SPAG16: variants seen among roughly 807,000 people sequenced by gnomAD.
SPAG16 encodes sperm-associated antigen 16 protein.
In SPAG16, 86 loss-of-function variants were observed where a neutral mutation model predicts 80.4. That is an observed-to-expected ratio of 1.07 (90% confidence interval 0.90 to 1.28). The LOEUF (loss-of-function observed/expected upper bound fraction) is 1.28, where lower values mean the gene tolerates loss of function less well. SPAG16 is among the 50% of genes most tolerant of loss of function. The pLI, the probability that SPAG16 is intolerant of heterozygous loss-of-function variation, is 0.00. For synonymous variants in SPAG16, 294 were observed against 265.9 expected (o/e 1.11, Z -1.03); for missense variants, 870 against 765.3 (o/e 1.14, Z -1.61).
rs945267683 is a variant in SPAG16, at chr2:213,765,594, C to T, written c.1071-96891C>T. ...TTACATTTATTCATTCACAATGTCA[C>T]GTGTGTGTGTGTGTGTGTGTTATTT... On this transcript the variant is annotated intron_variant, in intron 10 of 15. Coordinates refer to ENST00000331683, the MANE Select transcript of SPAG16 (RefSeq NM_024532.5). 5.3e-5 allele frequency among the ~76,000 whole-genome samples: 8 copies of T among 150,286 alleles called. No individual in the cohort carries two copies. The East Asian group carries it at 7.9e-4, about 15-fold the overall frequency.
Position 213,535,061 on chromosome 2 carries a change from T to G in SPAG16, c.1070+44971T>G, listed in dbSNP as rs2076197229. 3.3e-5 allele frequency among the ~76,000 whole-genome samples: 5 copies of G among 152,174 alleles called. No homozygotes were observed. The South Asian group carries it at 1.0e-3, about 32-fold the overall frequency. On this transcript the variant is annotated intron_variant, in intron 10 of 15. Coordinates refer to ENST00000331683, the MANE Select transcript of SPAG16 (RefSeq NM_024532.5). ...CTAACATTTGATCTTGAATTTCTAC[T>G]TTCCAGATTGTGAGAAAATAAATTT...
At chr2:214,166,037 G>T (rs942216425) in intron 15 of SPAG16, among the ~76,000 whole-genome samples, 1 of 152,062 alleles carries the variant, frequency 6.6e-6, no homozygotes, top group Non-Finnish European at 1.5e-5. Flanking sequence ...CATAAGTCTT[G>T]TTCAAATATA....
chr2:213,598,389 G>T lies in SPAG16; in HGVS notation c.1070+108299G>T, dbSNP rs144363667. Among the ~76,000 whole-genome samples the T allele has an allele frequency of 1.6e-3, 237 of 152,152 alleles. 3 individuals carry two copies. Among genetic ancestry groups the T allele is most frequent in the African/African-American group, 4.6e-3 (193 of 41,522 alleles). On this transcript the variant is annotated intron_variant, in intron 10 of 15. Coordinates refer to ENST00000331683, the MANE Select transcript of SPAG16 (RefSeq NM_024532.5). Reference sequence around the variant, plus strand: ...GAGTAGTTTTAAGATGCCTTTTGAGGTATCAAATTAATATTTATTATTAAT... The same window carrying T: ...GAGTAGTTTTAAGATGCCTTTTGAGTTATCAAATTAATATTTATTATTAAT...
intron 13 of SPAG16, among the ~76,000 whole-genome samples, chr2:214,021,360 T>C (rs1417131771): frequency 6.6e-6 from 1 of 152,198 alleles, no homozygotes; most frequent in Admixed American, 6.6e-5. Flanking sequence ...ACTCACAGTT[T>C]CAGGTGGCTG....
At chr2:213,442,823 A>G (rs2071056666) in intron 9 of SPAG16, among the ~76,000 whole-genome samples, 1 of 152,200 alleles carries the variant, frequency 6.6e-6, no homozygotes, top group Non-Finnish European at 1.5e-5. Context: ...AGAATATAAC[A>G]GAAAATCTAG....
Position 214,149,283 on chromosome 2 carries a change from C to A in SPAG16, c.1720+17C>A. The stretch of plus-strand genomic sequence containing the variant: ...ATTCATCAGGTAGGATCATTTTTGT[C>A]TAATGTTTCTGACTAAGCCAATAAC... On this transcript the variant is annotated intron_variant, in intron 15 of 15. Transcript: ENST00000331683. 1 of 1,532,342 alleles carries A rather than the reference C, an allele frequency of 6.5e-7. No homozygotes were observed. Among genetic ancestry groups the A allele is most frequent in the South Asian group, 1.2e-5 (1 of 81,044 alleles). 94.9% of individuals were successfully genotyped at this position (1,532,342 alleles called of 1,614,324 possible).
chr2:213,997,527 A>G (rs1395060186), intron 12 of SPAG16, among the ~76,000 whole-genome samples: 1 of 152,216 alleles, frequency 6.6e-6, no homozygotes, highest in East Asian at 1.9e-4. Flanking sequence ...TACTTGATCT[A>G]CTGTGGCAAA....
At chr2:214,300,211 T>G (rs1210200589) in intron 15 of SPAG16, among the ~76,000 whole-genome samples, 2 of 152,156 alleles carry the variant, frequency 1.3e-5, no homozygotes, top group Non-Finnish European at 1.5e-5. Flanking sequence ...AAATTTTGCT[T>G]ACAAATAAAC....
chr2:213,702,359 T>C (rs1424945762), intron 10 of SPAG16, among the ~76,000 whole-genome samples: 1 of 152,214 alleles, frequency 6.6e-6, no homozygotes, highest in East Asian at 1.9e-4. Context: ...TTCTTTCACT[T>C]TTTGCAATAA....
intron 7 of SPAG16, among the ~76,000 whole-genome samples, chr2:213,358,042 C>A (rs904349433): frequency 3.3e-5 from 5 of 152,146 alleles, no homozygotes; most frequent in Admixed American, 1.3e-4. Context: ...ATATGAAATT[C>A]TGGGTTGAAA....
At position 213,342,158 on chromosome 2, in the gene SPAG16, C is replaced by T. The variant is rs75850618; in HGVS notation, c.644+1888C>T. On this transcript the variant is annotated intron_variant, in intron 6 of 15. Transcript: ENST00000331683. ...ATTTTCTTTAAAATTCTTCAACCAT[C>T]CACAGATTACAGTATATATAGTTTT... Among the ~76,000 whole-genome samples the T allele has an allele frequency of 2.6e-5, 4 of 151,502 alleles. No homozygotes were observed. The South Asian group carries it at 8.3e-4, about 31-fold the overall frequency.
intron 14 of SPAG16, among the ~76,000 whole-genome samples, chr2:214,120,296 A>T (rs1559816526): frequency 6.6e-6 from 1 of 151,706 alleles, no homozygotes; most frequent in Non-Finnish European, 1.5e-5. Context: ...AATCCTGTTT[A>T]ATTTTATTCT....
At chr2:213,653,126 A>C (rs2063086146) in intron 10 of SPAG16, among the ~76,000 whole-genome samples, 1 of 152,096 alleles carries the variant, frequency 6.6e-6, no homozygotes, top group South Asian at 2.1e-4. Context: ...CTTTTTTTAC[A>C]GCTCCGGGAT....
intron 15 of SPAG16, among the ~76,000 whole-genome samples, chr2:214,248,781 A>G (rs1690040294): frequency 6.6e-6 from 1 of 152,198 alleles, no homozygotes. Flanking sequence ...TTAATGCATA[A>G]TAAGAGAATA....
chr2:213,301,957 G>C lies in SPAG16; in HGVS notation c.279+4600G>C, dbSNP rs562836460. On this transcript the variant is annotated intron_variant, in intron 3 of 15. Transcript: ENST00000331683. Reference sequence around the variant, plus strand: ...TCAACCTAATAGTCTCCTTAACATAGCCTTCATTCACATATCTAAGGCAAG... The same window carrying C: ...TCAACCTAATAGTCTCCTTAACATACCCTTCATTCACATATCTAAGGCAAG... 9.9e-5 allele frequency among the ~76,000 whole-genome samples: 15 copies of C among 152,198 alleles called. No individual in the cohort carries two copies. In the East Asian group the frequency reaches 2.9e-3, roughly 29 times the overall value.
chr2:214,360,147 A>G (rs1699090635), intron 15 of SPAG16, among the ~76,000 whole-genome samples: 1 of 151,902 alleles, frequency 6.6e-6, no homozygotes, highest in Non-Finnish European at 1.5e-5. Flanking sequence ...TTGTAATATG[A>G]GATGAATTAT....
At chr2:213,768,238 AAAG>A (rs2069049231) in intron 10 of SPAG16, among the ~76,000 whole-genome samples, 1 of 152,190 alleles carries the variant, frequency 6.6e-6, no homozygotes, top group South Asian at 2.1e-4. Flanking sequence ...GAGCTAGAAA[AAAG>A]AGATAAGAAT....
intron 10 of SPAG16, among the ~76,000 whole-genome samples, chr2:213,810,237 C>CATGGACATTAAG (rs1294010875): frequency 6.6e-6 from 1 of 152,052 alleles, no homozygotes; most frequent in Non-Finnish European, 1.5e-5. Context: ...CTGAGAATAG[C>CATGGACATTAAG]ATGGACATTA....
At chr2:213,734,727 G>A (rs2125435649) in intron 10 of SPAG16, among the ~76,000 whole-genome samples, 1 of 149,866 alleles carries the variant, frequency 6.7e-6, no homozygotes, top group Admixed American at 6.6e-5. Context: ...TTTTTTTTTG[G>A]TATGAACATG....
Sources: gnomAD v4.1 joint callset for allele counts (sites outside exome capture counted in the v4.1 genomes callset) on GRCh38, gnomAD v4.1.1 for gene constraint, MANE v1.5 for transcripts, NCBI Gene and HGNC (gene_info 2026-07-23, HGNC 2026-07-21) for gene names.